Variants in POM121 observed in about 807,000 individuals in gnomAD.
POM121 encodes nuclear envelope pore membrane protein POM 121.
POM121 carries 32 observed loss-of-function variants against 81.3 expected under a neutral mutation model. The observed-to-expected ratio is 0.39, with a 90% confidence interval of 0.30 to 0.53. The LOEUF is 0.53. Ranked by LOEUF, POM121 falls within the 20% of genes least tolerant of loss-of-function variation. POM121 has a pLI of 0.66. For missense variants in POM121, 1,138 were observed against 1,614.6 expected, an observed-to-expected ratio of 0.70 and a Z score of 5.06; for synonymous variants, 514 against 694.2, an observed-to-expected ratio of 0.74 and a Z score of 4.08.
intron 3 of POM121, among the ~76,000 whole-genome samples, chr7:72,905,555 C>T (rs1793152833): frequency 6.6e-6 from 1 of 152,142 alleles, no homozygotes; most frequent in East Asian, 1.9e-4. Context: ...AAAAAATTCA[C>T]CAGGCATGGT....
upstream of POM121, among the ~76,000 whole-genome samples, chr7:72,923,317 A>G (rs1258341911): frequency 6.6e-6 from 1 of 152,090 alleles, no homozygotes; most frequent in African/African-American, 2.4e-5. Context: ...GCGATACTGA[A>G]CAATTCCATC....
At chr7:72,905,066 T>C (rs1793106197) in intron 3 of POM121, among the ~76,000 whole-genome samples, 1 of 152,194 alleles carries the variant, frequency 6.6e-6, no homozygotes, top group Non-Finnish European at 1.5e-5. Context: ...ATCAGATGAT[T>C]TGGTTATTGT....
At chr7:72,882,615 A>C (rs1188348731) in intron 1 of POM121, among the ~76,000 whole-genome samples, 2 of 152,164 alleles carry the variant, frequency 1.3e-5, no homozygotes, top group East Asian at 3.8e-4. Flanking sequence ...AGGGACGGAA[A>C]TATCGTGATC....
intron 3 of POM121, among the ~76,000 whole-genome samples, chr7:72,899,502 C>G (rs1444178910): frequency 1.3e-5 from 2 of 151,924 alleles, no homozygotes; most frequent in African/African-American, 4.8e-5. Context: ...GACGGGTGTT[C>G]CAGATCATGA....
intron 3 of POM121, among the ~76,000 whole-genome samples, 193 bp downstream of exon 3, chr7:72,927,156 A>G (rs183582090): frequency 6.6e-6 from 1 of 152,354 alleles, no homozygotes; most frequent in Admixed American, 6.5e-5. Context: ...GGTTAGATCG[A>G]TGTTGTAATT....
At chr7:72,933,608 G>A (rs186360305) in intron 5 of POM121, among the ~76,000 whole-genome samples, 2 of 152,310 alleles carry the variant, frequency 1.3e-5, no homozygotes, top group Admixed American at 6.5e-5. Context: ...GGCTCCTCAC[G>A]CGTTGCTGGT....
intron 3 of POM121, among the ~76,000 whole-genome samples, chr7:72,896,274 C>A (rs1243383021): frequency 6.6e-6 from 1 of 151,924 alleles, no homozygotes; most frequent in Non-Finnish European, 1.5e-5. Context: ...CACTTGAGCC[C>A]AGGGGTTCGA....
At chr7:72,948,814 A>G (rs781800683), downstream of POM121, 5 of 1,517,986 alleles carry the variant, frequency 3.3e-6, no homozygotes. Context: ...CTAGCCTGCA[A>G]GAGAAACAGC....
chr7:72,904,050 C>T (rs1396676347), intron 3 of POM121, among the ~76,000 whole-genome samples: 5 of 152,190 alleles, frequency 3.3e-5, no homozygotes, highest in South Asian at 4.1e-4. Flanking sequence ...GTGATCTGCC[C>T]GCCTCGGCTT....
At chr7:72,887,901 T>C (rs1410707271) in intron 1 of POM121, among the ~76,000 whole-genome samples, 1 of 152,224 alleles carries the variant, frequency 6.6e-6, no homozygotes, top group Non-Finnish European at 1.5e-5. Context: ...TATTTTTCTT[T>C]CTGTTTTTGA....
At chr7:72,932,602 G>A (rs1258070248) in intron 5 of POM121, among the ~76,000 whole-genome samples, 15 of 152,224 alleles carry the variant, frequency 9.9e-5, no homozygotes, top group African/African-American at 3.6e-4. Flanking sequence ...AAGGTTAAAT[G>A]CGCATGTAAT....
At chr7:72,920,707 GATCA>G (rs1446195224), upstream of POM121, among the ~76,000 whole-genome samples, 1 of 151,544 alleles carries the variant, frequency 6.6e-6, no homozygotes, top group Non-Finnish European at 1.5e-5. Flanking sequence ...ATGTATTTAA[GATCA>G]TTGGAAAGTT....
chr7:72,893,260 C>T (rs1248692027), intron 3 of POM121, among the ~76,000 whole-genome samples: 8 of 151,992 alleles, frequency 5.3e-5, no homozygotes, highest in Admixed American at 3.3e-4. Flanking sequence ...CACCCAGCCC[C>T]CTTCATTTAA....
At chr7:72,880,228 T>G (rs1586048884) in intron 1 of POM121, among the ~76,000 whole-genome samples, 1 of 152,268 alleles carries the variant, frequency 6.6e-6, no homozygotes, top group South Asian at 2.1e-4. Flanking sequence ...AAGTGTCTGC[T>G]GATCACCCCC....
chr7:72,930,178 G>C (rs1296973782), intron 5 of POM121, 67 bp downstream of exon 5: 3 of 1,517,742 alleles, frequency 2.0e-6, no homozygotes, highest in Non-Finnish European at 2.7e-6. Flanking sequence ...ACTAGGGCCA[G>C]ACATGGTAGC....
intron 5 of POM121, among the ~76,000 whole-genome samples, chr7:72,936,223 C>T (rs559713092): frequency 1.3e-5 from 2 of 152,076 alleles, no homozygotes; most frequent in African/African-American, 4.8e-5. Context: ...GATGAGACTT[C>T]ACTATGTTAC....
At position 72,943,295 on chromosome 7, in the gene POM121, G is replaced by T. The variant is rs200374719; in HGVS notation, c.3302G>T (p.Gly1101Val). 2.8e-5 allele frequency: 45 copies of T among 1,608,754 alleles called. No homozygotes were observed. The highest frequency in any genetic ancestry group is 1.5e-4 in the Admixed American group (9 of 59,478). Residue 1101 changes from glycine to valine, a missense_variant, in exon 11 of 13, where the codon GGT becomes GTT. Coordinates refer to ENST00000434423, the MANE Select transcript of POM121 (RefSeq NM_001387691.1). ...STTPSPFTFG[G>V]SAAPAGSGSF... ...ACACCATCACCCTTCACGTTTGGGG[G>T]TTCGGCAGCCCCCGCTGGCAGTGGG...
intron 4 of POM121, among the ~76,000 whole-genome samples, chr7:72,914,405 C>A (rs539191917): frequency 6.6e-6 from 1 of 152,068 alleles, no homozygotes; most frequent in Non-Finnish European, 1.5e-5. Context: ...TTGTTTTTTG[C>A]CACTATGTTT....
chr7:72,941,543 G>A (rs1166518281), intron 10 of POM121, among the ~76,000 whole-genome samples: 1 of 148,920 alleles, frequency 6.7e-6, no homozygotes, highest in Non-Finnish European at 1.5e-5. Context: ...GGCAAATAAA[G>A]TATATCTAGA....
Sources: allele counts gnomAD v4.1 joint callset (sites outside exome capture counted in the v4.1 genomes callset), GRCh38; gene constraint gnomAD v4.1.1; transcripts MANE v1.5; gene names NCBI Gene and HGNC (gene_info 2026-07-23, HGNC 2026-07-21).